SLC25A21: variants seen among roughly 807,000 people sequenced by gnomAD.
The protein encoded by SLC25A21 is solute carrier family 25 member 21.
Under a neutral mutation model 43.8 loss-of-function variants are expected in SLC25A21, and 47 were observed. The ratio of observed to expected loss-of-function variants is 1.07; its 90% CI spans 0.85 to 1.37. SLC25A21 has a LOEUF of 1.37. Among genes scored for constraint, SLC25A21 ranks in the 40% most tolerant of loss-of-function variants. SLC25A21 has a pLI of 0.00. For synonymous variants in SLC25A21, 131 were observed against 121.3 expected (o/e 1.08, Z -0.52); for missense variants, 352 against 350.2 (o/e 1.00, Z -0.04).
chr14:37,001,934 T>C (rs930315750), intron 1 of SLC25A21, among the ~76,000 whole-genome samples: 1 of 152,192 alleles, frequency 6.6e-6, no homozygotes, highest in Admixed American at 6.6e-5. Context: ...TTGCACTTTC[T>C]ATTTATCTGC....
intron 2 of SLC25A21, among the ~76,000 whole-genome samples, chr14:36,862,213 G>A (rs1015377371): frequency 1.3e-5 from 2 of 152,120 alleles, no homozygotes; most frequent in African/African-American, 2.4e-5. Context: ...ATTCCTCAAG[G>A]ACCTAGAACC....
At chr14:36,894,618 A>T (rs1053133558) in intron 1 of SLC25A21, among the ~76,000 whole-genome samples, 12 of 152,138 alleles carry the variant, frequency 7.9e-5, no homozygotes, top group African/African-American at 2.4e-4. Flanking sequence ...GTCTTGTGCC[A>T]GTTTTCAAAG....
chr14:36,890,968 G>A (rs904120020), intron 1 of SLC25A21, among the ~76,000 whole-genome samples: 5 of 152,108 alleles, frequency 3.3e-5, no homozygotes, highest in African/African-American at 7.2e-5. Context: ...CTCCAAAGAC[G>A]GGTTACTTTT....
rs140979388 is a variant in SLC25A21, at chr14:37,091,122, C to T, written c.70+81159G>A. ...CTGACACACAGATTTTCTCATAAGG[C>T]GCATCTTGCCTTTAGAAACAATAGA... On this transcript the variant is annotated intron_variant, in intron 1 of 9. Coordinates refer to ENST00000331299, the MANE Select transcript of SLC25A21 (RefSeq NM_030631.4). Among the ~76,000 whole-genome samples the T allele has an allele frequency of 6.3e-3, 963 of 152,206 alleles. 8 individuals carry two copies. The highest frequency in any genetic ancestry group is 0.02 in the African/African-American group (837 of 41,520).
At chr14:36,742,572 C>T (rs1029926291) in intron 3 of SLC25A21, among the ~76,000 whole-genome samples, 7 of 152,036 alleles carry the variant, frequency 4.6e-5, no homozygotes, top group Admixed American at 6.6e-5. Context: ...CATCTTGGGG[C>T]CATTTTCATT....
intron 3 of SLC25A21, among the ~76,000 whole-genome samples, chr14:36,737,995 A>G (rs957388382): frequency 2.0e-5 from 3 of 152,172 alleles, no homozygotes; most frequent in African/African-American, 7.2e-5. Context: ...TTTTACTTAA[A>G]TAAGTTTGAG....
At chr14:36,736,241 C>T (rs1198978441) in intron 3 of SLC25A21, among the ~76,000 whole-genome samples, 1 of 151,914 alleles carries the variant, frequency 6.6e-6, no homozygotes, top group Admixed American at 6.6e-5. Flanking sequence ...AGCCTGCCCA[C>T]GATTTTTGAC....
intron 3 of SLC25A21, among the ~76,000 whole-genome samples, chr14:36,768,853 G>C (rs1566593611): frequency 6.6e-6 from 1 of 151,164 alleles, no homozygotes; most frequent in Non-Finnish European, 1.5e-5. Context: ...TCAGCACTTT[G>C]GAAGGCTGAG....
rs1007287355 is a variant in SLC25A21 at position 37,015,612 on chromosome 14, G to A, written c.71-140608C>T. ...TCTAGTTCTGGATCCCTGAGGAATC[G>A]CCACACTGACTTCCACAATGGTTGA... is the stretch of plus-strand genomic sequence containing the variant. On this transcript the variant is annotated intron_variant, in intron 1 of 9. Transcript: ENST00000331299. Among the ~76,000 whole-genome samples, 8 of 151,434 alleles carry A rather than the reference G, an allele frequency of 5.3e-5. No individual in the cohort carries two copies. The South Asian group carries it at 1.5e-3, about 28-fold the overall frequency.
chr14:37,108,058 C>T (rs143831555), intron 1 of SLC25A21, among the ~76,000 whole-genome samples: 34 of 152,274 alleles, frequency 2.2e-4, no homozygotes, highest in African/African-American at 7.7e-4. Context: ...GCTCTTAAGC[C>T]TTGTCGTCCA....
chr14:36,989,104 C>T (rs902751104), intron 1 of SLC25A21, among the ~76,000 whole-genome samples: 3 of 152,178 alleles, frequency 2.0e-5, no homozygotes, highest in African/African-American at 4.8e-5. Flanking sequence ...ATGAAAAAAT[C>T]AGATCTCAGT....
chr14:36,766,601 T>A (rs60329458), intron 3 of SLC25A21, among the ~76,000 whole-genome samples: 194 of 152,298 alleles, frequency 1.3e-3, no homozygotes, highest in African/African-American at 4.5e-3. Flanking sequence ...CAGAGTGGGT[T>A]GCTGGTTGCT....
At chr14:37,147,221 G>A (rs117903698) in intron 1 of SLC25A21, among the ~76,000 whole-genome samples, 432 of 152,196 alleles carry the variant, frequency 2.8e-3, no homozygotes, top group African/African-American at 9.5e-3. Flanking sequence ...AGTTAACAGC[G>A]TTATTAAAAT....
intron 1 of SLC25A21, among the ~76,000 whole-genome samples, chr14:36,924,072 T>C (rs560165500): frequency 2.6e-5 from 4 of 152,206 alleles, no homozygotes; most frequent in Non-Finnish European, 4.4e-5. Context: ...TTTTACACTG[T>C]TGGTGGGATT....
intron 1 of SLC25A21, among the ~76,000 whole-genome samples, chr14:36,919,102 T>C (rs994156276): frequency 2.6e-5 from 4 of 152,044 alleles, no homozygotes; most frequent in Non-Finnish European, 4.4e-5. Context: ...AATGAATGAA[T>C]GAATGAATGA....
chr14:37,117,643 G>T (rs1295015886), intron 1 of SLC25A21, among the ~76,000 whole-genome samples: 1 of 152,122 alleles, frequency 6.6e-6, no homozygotes, highest in African/African-American at 2.4e-5. Flanking sequence ...GGAGAGGGGG[G>T]AAGTGTAGAA....
intron 3 of SLC25A21, among the ~76,000 whole-genome samples, chr14:36,738,043 G>A (rs1885113082): frequency 1.3e-5 from 2 of 152,208 alleles, no homozygotes; most frequent in Non-Finnish European, 2.9e-5. Flanking sequence ...CCTGGATCCA[G>A]AAAGTAAGCA....
rs189993373 is a variant in SLC25A21, at chr14:36,768,576, G to A, written c.204-34003C>T. Among the ~76,000 whole-genome samples the A allele has an allele frequency of 2.6e-4, 39 of 152,216 alleles. No homozygotes were observed. In the East Asian group the frequency reaches 7.2e-3, roughly 28 times the overall value. On this transcript the variant is annotated intron_variant, in intron 3 of 9. Coordinates refer to ENST00000331299, the MANE Select transcript of SLC25A21 (RefSeq NM_030631.4). The stretch of plus-strand genomic sequence containing the variant: ...GTAATCCCTCAGGCTGGGGCAATAA[G>A]CCACAAATTGCTTTCAGCTGACTGA...
chr14:36,852,493 T>A (rs1380964845), intron 2 of SLC25A21, among the ~76,000 whole-genome samples: 1 of 152,214 alleles, frequency 6.6e-6, no homozygotes, highest in Non-Finnish European at 1.5e-5. Flanking sequence ...CTATCACAGC[T>A]GAAAGTATAA....
Sources: gnomAD v4.1 joint callset for allele counts (sites outside exome capture counted in the v4.1 genomes callset) on GRCh38, gnomAD v4.1.1 for gene constraint, MANE v1.5 for transcripts, NCBI Gene and HGNC (gene_info 2026-07-23, HGNC 2026-07-21) for gene names.